Variants in ITGA1 observed in about 807,000 individuals in gnomAD.
ITGA1 encodes integrin subunit alpha 1.
In ITGA1, 85 loss-of-function variants were observed where a neutral mutation model predicts 145.9. The ratio of observed to expected loss-of-function variants is 0.58; its 90% CI spans 0.49 to 0.70. The LOEUF (loss-of-function observed/expected upper bound fraction) is 0.70, where lower values mean the gene tolerates loss of function less well. ITGA1 is among the 30% of genes least tolerant of loss of function. The pLI is 0.00. For synonymous variants in ITGA1, 520 were observed against 495.3 expected, an observed-to-expected ratio of 1.05 and a Z score of -0.66; for missense variants, 1,351 against 1,418.7, an observed-to-expected ratio of 0.95 and a Z score of 0.77.
chr5:52,878,685 G>C (rs139421689), intron 6 of ITGA1, among the ~76,000 whole-genome samples: 7 of 152,254 alleles, frequency 4.6e-5, no homozygotes, highest in African/African-American at 1.4e-4. Context: ...GGACTCATTA[G>C]TAAAAAATAG....
intron 6 of ITGA1, among the ~76,000 whole-genome samples, chr5:52,870,419 A>G (rs773006777): frequency 7.8e-5 from 11 of 141,588 alleles, no homozygotes; most frequent in Admixed American, 4.3e-4. Context: ...CCTCATCCAT[A>G]CCAAATTTCT....
At chr5:52,789,512 G>A (rs1328783954) in intron 1 of ITGA1, among the ~76,000 whole-genome samples, 2 of 152,178 alleles carry the variant, frequency 1.3e-5, no homozygotes, top group African/African-American at 4.8e-5. Context: ...TTATCAGCAA[G>A]CAGAGCTTTT....
intron 18 of ITGA1, among the ~76,000 whole-genome samples, chr5:52,925,064 A>T (rs778023519): frequency 2.6e-5 from 4 of 152,246 alleles, no homozygotes; most frequent in Non-Finnish European, 4.4e-5. Flanking sequence ...TTAAAAGGAC[A>T]AGCACAATTT....
intron 3 of ITGA1, among the ~76,000 whole-genome samples, chr5:52,861,875 A>C (rs1160206052): frequency 6.6e-6 from 1 of 151,122 alleles, no homozygotes; most frequent in Admixed American, 6.6e-5. Flanking sequence ...GTCTCAAAAA[A>C]AAAAAAAAAA....
intron 14 of ITGA1, among the ~76,000 whole-genome samples, chr5:52,911,506 C>CATAT (rs545400043): frequency 9.2e-6 from 1 of 108,532 alleles, no homozygotes; most frequent in Admixed American, 1.2e-4. Flanking sequence ...ATAGTAGATA[C>CATAT]ACTATATATA....
chr5:52,800,125 A>C (rs994420488), intron 1 of ITGA1: 1 of 422,854 alleles, frequency 2.4e-6, no homozygotes, highest in Non-Finnish European at 4.3e-6. Context: ...GCGTGCTGCC[A>C]GCGGGAACTG....
chr5:52,801,970 G>T (rs1748498122), intron 1 of ITGA1: 4 of 637,852 alleles, frequency 6.3e-6, no homozygotes, highest in Non-Finnish European at 7.9e-6. Flanking sequence ...TATGTCTTTG[G>T]CTACACTAGA....
chr5:52,800,975 A>C, intron 1 of ITGA1: 1 of 1,614,218 alleles, frequency 6.2e-7, no homozygotes, highest in Non-Finnish European at 8.5e-7. Flanking sequence ...CAGGCTATCC[A>C]GCGCCACATA....
intron 8 of ITGA1, among the ~76,000 whole-genome samples, chr5:52,888,647 C>T (rs932161401): frequency 1.3e-5 from 2 of 152,226 alleles, no homozygotes; most frequent in Non-Finnish European, 2.9e-5. Flanking sequence ...GGAACAAGTT[C>T]TGAAATAAAA....
At chr5:52,871,851 G>C (rs1231140330) in intron 6 of ITGA1, among the ~76,000 whole-genome samples, 1 of 152,054 alleles carries the variant, frequency 6.6e-6, no homozygotes, top group Non-Finnish European at 1.5e-5. Flanking sequence ...CTATAAAATT[G>C]CCTTTTAAAA....
chr5:52,805,786 A>G (rs1007513240), intron 1 of ITGA1, among the ~76,000 whole-genome samples: 6 of 152,044 alleles, frequency 3.9e-5, no homozygotes, highest in African/African-American at 1.4e-4. Flanking sequence ...TTGTCTCACC[A>G]GACAAATCAG....
rs1332543970 is a variant in ITGA1 at position 52,908,594 on chromosome 5, T to C, written c.1456-304T>C. 2.6e-5 allele frequency among the ~76,000 whole-genome samples: 4 copies of C among 152,232 alleles called. No homozygotes were observed. In the East Asian group the frequency reaches 5.8e-4, roughly 22 times the overall value. ...CCTTAAAAAATCACTATAGTATTACTGACCTTTTCTGATTTGTGGAGAAGA... is the reference window on the plus strand; with the variant it reads ...CCTTAAAAAATCACTATAGTATTACCGACCTTTTCTGATTTGTGGAGAAGA... On this transcript the variant is annotated intron_variant, in intron 12 of 28. Transcript: ENST00000282588.
intron 1 of ITGA1, among the ~76,000 whole-genome samples, chr5:52,830,499 AT>A (rs936238405): frequency 6.6e-6 from 1 of 152,212 alleles, no homozygotes; most frequent in African/African-American, 2.4e-5. Flanking sequence ...TTTAAAAAAA[AT>A]AACTTAGTCA....
intron 13 of ITGA1, among the ~76,000 whole-genome samples, chr5:52,909,451 C>T (rs1257738651): frequency 1.3e-5 from 2 of 152,042 alleles, no homozygotes; most frequent in East Asian, 3.9e-4. Context: ...TGCAGGCTTC[C>T]AGGAAATACT....
intron 6 of ITGA1, among the ~76,000 whole-genome samples, chr5:52,866,879 T>A (rs2111779719): frequency 6.6e-6 from 1 of 152,252 alleles, no homozygotes; most frequent in East Asian, 1.9e-4. Flanking sequence ...GCAAATAAAA[T>A]GTCAAAATGA....
At chr5:52,920,999 T>A (rs1750722931) in intron 17 of ITGA1, among the ~76,000 whole-genome samples, 1 of 152,114 alleles carries the variant, frequency 6.6e-6, no homozygotes, top group Middle Eastern at 3.2e-3. Context: ...TTTTTTTTTT[T>A]TTAATTTTAG....
At chr5:52,917,988 T>C (rs913969376) in intron 15 of ITGA1, among the ~76,000 whole-genome samples, 5 of 152,200 alleles carry the variant, frequency 3.3e-5, no homozygotes, top group Admixed American at 6.5e-5. Flanking sequence ...AAATGTGCAG[T>C]AATTGTTCCG....
rs1750119016 is a variant in ITGA1 at position 52,889,999 on chromosome 5, G to A, written c.924+2034G>A. ...ATTAATCCGATCCTTGCTTCGTTCA[G>A]GCCAAATTGTAATCATTTGTTGAAA... On this transcript the variant is annotated intron_variant, in intron 8 of 28. Coordinates refer to ENST00000282588, the MANE Select transcript of ITGA1 (RefSeq NM_181501.2). The A allele has an allele frequency of 2.0e-5, 3 of 151,894 alleles. No homozygotes were observed. In the East Asian group the frequency reaches 5.8e-4, roughly 29 times the overall value. The allele number at this position is 151,894 out of a possible 1,614,324, so 9.4% of individuals were successfully genotyped here.
rs1748454085 is a variant in ITGA1 at position 52,800,609 on chromosome 5, T to C, written c.61+12195T>C. On this transcript the variant is annotated intron_variant, in intron 1 of 28. Coordinates refer to ENST00000282588, the MANE Select transcript of ITGA1 (RefSeq NM_181501.2). The stretch of plus-strand genomic sequence containing the variant: ...ACCCTCACTCTCTGCGTGGAGGCCA[T>C]CGACTTCGACTCTCAAGCCTGCCAG... The C allele has an allele frequency of 1.9e-6, 3 of 1,613,706 alleles. No homozygotes were observed. In the African/African-American group the frequency reaches 4.0e-5, roughly 22 times the overall value.
Sources: allele counts gnomAD v4.1 joint callset (sites outside exome capture counted in the v4.1 genomes callset), GRCh38; gene constraint gnomAD v4.1.1; transcripts MANE v1.5; gene names NCBI Gene and HGNC (gene_info 2026-07-23, HGNC 2026-07-21).